Variants in AGBL4 observed in about 807,000 individuals in gnomAD.
The protein encoded by AGBL4 is AGBL carboxypeptidase 4.
A neutral mutation model predicts 66.4 loss-of-function variants in AGBL4; 58 were observed. The ratio of observed to expected loss-of-function variants is 0.87; its 90% CI spans 0.71 to 1.09. The LOEUF (loss-of-function observed/expected upper bound fraction) is 1.09, where lower values mean the gene tolerates loss of function less well. Among genes scored for constraint, AGBL4 ranks in the 50% least tolerant of loss-of-function variants. AGBL4 has a pLI of 0.00. For missense variants in AGBL4, 579 were observed against 631.0 expected (o/e 0.92, Z 0.88); for synonymous variants, 234 against 222.9 (o/e 1.05, Z -0.44).
intron 2 of AGBL4, among the ~76,000 whole-genome samples, chr1:49,744,132 C>T (rs1242048876): frequency 6.6e-6 from 1 of 152,134 alleles, no homozygotes; most frequent in Non-Finnish European, 1.5e-5. Context: ...TGTATCACCA[C>T]CAAACTCCTA....
chr1:49,333,284 C>A (rs1162619519), intron 3 of AGBL4, among the ~76,000 whole-genome samples: 1 of 152,148 alleles, frequency 6.6e-6, no homozygotes, highest in Non-Finnish European at 1.5e-5. Flanking sequence ...TCAATACCAT[C>A]CTGGCAAACA....
chr1:49,992,249 G>A (rs1266997195), intron 1 of AGBL4, among the ~76,000 whole-genome samples: 3 of 151,936 alleles, frequency 2.0e-5, no homozygotes, highest in Non-Finnish European at 4.4e-5. Flanking sequence ...GTGGGCACCC[G>A]CAGTCCCAGC....
At chr1:48,676,553 A>T (rs893927030) in intron 6 of AGBL4, among the ~76,000 whole-genome samples, 1 of 152,238 alleles carries the variant, frequency 6.6e-6, no homozygotes, top group South Asian at 2.1e-4. Flanking sequence ...TGCCTGCCAC[A>T]TAGGAAATCT....
chr1:49,931,693 A>T (rs1191391100), intron 1 of AGBL4, among the ~76,000 whole-genome samples: 3 of 152,170 alleles, frequency 2.0e-5, no homozygotes, highest in Non-Finnish European at 4.4e-5. Flanking sequence ...ATTTTCCAAA[A>T]ATTGATCTAA....
At chr1:49,183,727 C>A (rs1646968393) in intron 4 of AGBL4, among the ~76,000 whole-genome samples, 1 of 152,184 alleles carries the variant, frequency 6.6e-6, no homozygotes, top group African/African-American at 2.4e-5. Flanking sequence ...TTCTTGCTCT[C>A]TCACTTTCAG....
In AGBL4 at chr1:48,744,642, G is replaced by A. The variant is rs941877274; in HGVS notation, c.635-81401C>T. On this transcript the variant is annotated intron_variant, in intron 6 of 13. Coordinates refer to ENST00000371839, the MANE Select transcript of AGBL4 (RefSeq NM_032785.4). The stretch of plus-strand genomic sequence containing the variant: ...ACAACAGAATGAATCCAGTACAGCC[G>A]TAACTTCAGTTGATTCTCTCCCATC... Among the ~76,000 whole-genome samples, 4 of 152,262 alleles carry A rather than the reference G, an allele frequency of 2.6e-5. 1 individual carries two copies. Among genetic ancestry groups the A allele is most frequent in the Middle Eastern group, 6.8e-3 (2 of 294 alleles).
intron 6 of AGBL4, among the ~76,000 whole-genome samples, chr1:48,770,476 T>C (rs1198122352): frequency 6.6e-6 from 1 of 152,184 alleles, no homozygotes; most frequent in East Asian, 1.9e-4. Flanking sequence ...GGCTCTTCTT[T>C]AACTGTGCCT....
chr1:49,717,666 C>A (rs1276974096), intron 2 of AGBL4, among the ~76,000 whole-genome samples: 1 of 152,048 alleles, frequency 6.6e-6, no homozygotes, highest in Non-Finnish European at 1.5e-5. Flanking sequence ...TTGTTTATTT[C>A]TATCCCCTCT....
At chr1:48,756,001 C>T (rs1010928560) in intron 6 of AGBL4, among the ~76,000 whole-genome samples, 2 of 152,222 alleles carry the variant, frequency 1.3e-5, no homozygotes, top group Admixed American at 6.5e-5. Flanking sequence ...TGGGGGTGCC[C>T]GAGTTAAAAG....
chr1:49,932,577 T>C (rs575411509), intron 1 of AGBL4, among the ~76,000 whole-genome samples: 153 of 152,176 alleles, frequency 1.0e-3, no homozygotes, highest in Non-Finnish European at 1.7e-3. Context: ...ACTAACCGGA[T>C]GAAAAGTGTA....
chr1:49,206,908 G>T (rs995410434), intron 4 of AGBL4, among the ~76,000 whole-genome samples: 1 of 150,292 alleles, frequency 6.7e-6, no homozygotes, highest in Non-Finnish European at 1.5e-5. Context: ...GAGGAGAGGA[G>T]AGGAGAGGAG....
chr1:49,007,617 A>C (rs1342840232), intron 5 of AGBL4, among the ~76,000 whole-genome samples: 19 of 152,082 alleles, frequency 1.2e-4, no homozygotes, highest in African/African-American at 2.2e-4. Flanking sequence ...ATGTTAAGGG[A>C]AGCCAGAGAG....
intron 2 of AGBL4, among the ~76,000 whole-genome samples, chr1:49,705,345 A>C (rs1285427746): frequency 6.6e-6 from 1 of 152,120 alleles, no homozygotes; most frequent in African/African-American, 2.4e-5. Flanking sequence ...GATTTTCTAA[A>C]TATACAGCCA....
At chr1:48,616,120 G>A (rs1053869545) in intron 9 of AGBL4, among the ~76,000 whole-genome samples, 2 of 152,204 alleles carry the variant, frequency 1.3e-5, no homozygotes, top group African/African-American at 4.8e-5. Flanking sequence ...GGGCACATAC[G>A]TTCAAATCAT....
At chr1:49,320,249 C>A (rs1645108374) in intron 3 of AGBL4, among the ~76,000 whole-genome samples, 1 of 151,734 alleles carries the variant, frequency 6.6e-6, no homozygotes, top group African/African-American at 2.4e-5. Context: ...AATTTCAAAA[C>A]AAGTTTTGAA....
chr1:49,448,716 T>A (rs1277698875), intron 3 of AGBL4, among the ~76,000 whole-genome samples: 3 of 152,192 alleles, frequency 2.0e-5, no homozygotes, highest in African/African-American at 7.2e-5. Flanking sequence ...ATAGATGTCC[T>A]GTATAAATGG....
At position 49,205,271 on chromosome 1, in the gene AGBL4, T is replaced by C. The variant is rs536584791; in HGVS notation, c.377+40499A>G. 8.5e-4 allele frequency among the ~76,000 whole-genome samples: 129 copies of C among 152,226 alleles called. 1 individual carries two copies. The highest frequency in any genetic ancestry group is 3.1e-3 in the African/African-American group (127 of 41,556). ...TTCAAGGACACAGAGGAGGGCAGCA[T>C]AGAATCTTTCCTTTTTAAATAAGGT... On this transcript the variant is annotated intron_variant, in intron 4 of 13. Coordinates refer to ENST00000371839, the MANE Select transcript of AGBL4 (RefSeq NM_032785.4).
chr1:49,390,470 T>C (rs935497562), intron 3 of AGBL4, among the ~76,000 whole-genome samples: 1 of 152,332 alleles, frequency 6.6e-6, no homozygotes. Context: ...CAAAAATCTC[T>C]AAGGAAGAAA....
chr1:49,291,312 G>A lies in AGBL4; in HGVS notation c.283-45448C>T, dbSNP rs577800092. ...AATAGAAAACAAGGGAACACTCTCC[G>A]AATCATTTTATTAGGCCAGCATAAC... On this transcript the variant is annotated intron_variant, in intron 3 of 13. Coordinates refer to ENST00000371839, the MANE Select transcript of AGBL4 (RefSeq NM_032785.4). Among the ~76,000 whole-genome samples the A allele has an allele frequency of 2.4e-3, 365 of 152,230 alleles. 4 individuals carry two copies. The highest frequency in any genetic ancestry group is 7.9e-3 in the African/African-American group (330 of 41,550).
Sources: allele counts gnomAD v4.1 joint callset (sites outside exome capture counted in the v4.1 genomes callset), GRCh38; gene constraint gnomAD v4.1.1; transcripts MANE v1.5; gene names NCBI Gene and HGNC (gene_info 2026-07-23, HGNC 2026-07-21).